Variants in UBE2R2 observed in about 807,000 individuals in gnomAD.
The protein encoded by UBE2R2 is ubiquitin-conjugating enzyme E2 R2.
A neutral mutation model predicts 27.8 loss-of-function variants in UBE2R2; 1 was observed. That is an observed-to-expected ratio of 0.04 (90% confidence interval 0.01 to 0.17). The LOEUF is 0.17. UBE2R2 is among the 10% of genes least tolerant of loss of function. UBE2R2 has a pLI of 1.00. For missense variants in UBE2R2, 100 were observed against 291.0 expected, an observed-to-expected ratio of 0.34 and a Z score of 4.78; for synonymous variants, 106 against 113.3, an observed-to-expected ratio of 0.94 and a Z score of 0.41.
chr9:33,911,860 G>A (rs895067119), intron 3 of UBE2R2, 104 bp from the exon 4 acceptor site: 27 of 1,125,036 alleles, frequency 2.4e-5, no homozygotes, highest in Admixed American at 3.3e-5. Context: ...AAAATTTTAA[G>A]GGAGGGAGAA....
chr9:33,824,060 G>A (rs1820239632), intron 1 of UBE2R2, among the ~76,000 whole-genome samples: 1 of 152,152 alleles, frequency 6.6e-6, no homozygotes, highest in African/African-American at 2.4e-5. Flanking sequence ...ACTAAATGAA[G>A]TTTCACTTTT....
chr9:33,876,454 C>T (rs896639319), intron 1 of UBE2R2, among the ~76,000 whole-genome samples: 7 of 152,138 alleles, frequency 4.6e-5, no homozygotes, highest in African/African-American at 1.7e-4. Context: ...GGAAGCATTA[C>T]AGCAGGATAT....
At chr9:33,909,477 A>G (rs1822439430) in intron 3 of UBE2R2, among the ~76,000 whole-genome samples, 1 of 152,018 alleles carries the variant, frequency 6.6e-6, no homozygotes, top group Non-Finnish European at 1.5e-5. Context: ...GACGAGTGAA[A>G]CCCCATCTCA....
chr9:33,889,162 G>A (rs1213298084), intron 2 of UBE2R2, among the ~76,000 whole-genome samples: 1 of 152,074 alleles, frequency 6.6e-6, no homozygotes, highest in Non-Finnish European at 1.5e-5. Flanking sequence ...AGTTCAGTAC[G>A]CACAGCAGTA....
intron 3 of UBE2R2, among the ~76,000 whole-genome samples, chr9:33,903,099 CA>C (rs760691175): frequency 0.069 from 9,170 of 133,002 alleles, 575 homozygotes; most frequent in African/African-American, 0.18. Context: ...AACGCTGTCT[CA>C]AAAAAAAAAA....
intron 1 of UBE2R2, among the ~76,000 whole-genome samples, chr9:33,821,464 A>G (rs758714000): frequency 3.3e-5 from 5 of 152,044 alleles, no homozygotes; most frequent in Admixed American, 6.5e-5. Context: ...GGCTGGAACT[A>G]TCTTTTCAAA....
chr9:33,916,410 AAATT>A (rs1487856255), intron 4 of UBE2R2, among the ~76,000 whole-genome samples: 1 of 152,182 alleles, frequency 6.6e-6, no homozygotes, highest in Non-Finnish European at 1.5e-5. Flanking sequence ...CTGTCAGTGA[AAATT>A]AAGAGGATAA....
intron 1 of UBE2R2, among the ~76,000 whole-genome samples, chr9:33,862,769 A>T (rs1018378539): frequency 1.3e-5 from 2 of 152,230 alleles, no homozygotes; most frequent in South Asian, 2.1e-4. Context: ...TTTGAAAAAA[A>T]TTTTAAACAT....
chr9:33,875,200 T>C (rs1399388521), intron 1 of UBE2R2, among the ~76,000 whole-genome samples: 1 of 152,162 alleles, frequency 6.6e-6, no homozygotes, highest in African/African-American at 2.4e-5. Flanking sequence ...CTAACTGTAA[T>C]ACTATTATCA....
chr9:33,914,389 T>G (rs932452836), intron 4 of UBE2R2, among the ~76,000 whole-genome samples: 10 of 152,144 alleles, frequency 6.6e-5, no homozygotes, highest in African/African-American at 2.4e-4. Context: ...TAAATTCTGA[T>G]GTGGGAAATA....
chr9:33,872,535 C>G (rs935882447), intron 1 of UBE2R2, among the ~76,000 whole-genome samples: 5 of 152,126 alleles, frequency 3.3e-5, no homozygotes, highest in African/African-American at 1.2e-4. Context: ...GCCTGTAATC[C>G]CGGCACTTTG....
chr9:33,816,160 G>A (rs1335054196), upstream of UBE2R2, among the ~76,000 whole-genome samples: 1 of 152,178 alleles, frequency 6.6e-6, no homozygotes, highest in Non-Finnish European at 1.5e-5. Flanking sequence ...GTCTAGTTCC[G>A]AAACTGTGTG....
chr9:33,864,412 A>G (rs996388232), intron 1 of UBE2R2, among the ~76,000 whole-genome samples: 1 of 152,154 alleles, frequency 6.6e-6, no homozygotes, highest in African/African-American at 2.4e-5. Flanking sequence ...TAATAATAGA[A>G]ACTCTGAGAG....
intron 1 of UBE2R2, among the ~76,000 whole-genome samples, chr9:33,877,823 GTCTCTCTCTCTC>G (rs1554675184): frequency 7.6e-6 from 1 of 131,102 alleles, no homozygotes; most frequent in African/African-American, 3.3e-5. Context: ...CTGTCTGTCT[GTCTCTCTCTCTC>G]TCTCTCTCTC....
intron 1 of UBE2R2, among the ~76,000 whole-genome samples, chr9:33,826,346 G>A (rs1169179278): frequency 6.6e-6 from 1 of 152,096 alleles, no homozygotes; most frequent in Non-Finnish European, 1.5e-5. Flanking sequence ...AAGGTTTGAT[G>A]TTACTTAAAT....
intron 3 of UBE2R2, among the ~76,000 whole-genome samples, 195 bp downstream of exon 3, chr9:33,900,466 T>C (rs905232514): frequency 6.6e-6 from 1 of 152,224 alleles, no homozygotes; most frequent in South Asian, 2.1e-4. Context: ...CAATAATGTA[T>C]ATGATTCTCA....
chr9:33,836,886 G>A (rs1482647965), intron 1 of UBE2R2, among the ~76,000 whole-genome samples: 2 of 152,074 alleles, frequency 1.3e-5, no homozygotes, highest in Non-Finnish European at 2.9e-5. Flanking sequence ...TGGAAATCCT[G>A]TAGCTTTAGA....
At chr9:33,874,052 A>T (rs61644144) in intron 1 of UBE2R2, among the ~76,000 whole-genome samples, 6 of 151,646 alleles carry the variant, frequency 4.0e-5, no homozygotes, top group African/African-American at 1.5e-4. Context: ...AGTTCAAGCA[A>T]TTCTCCTGTC....
chr9:33,854,845 G>C (rs1161663352), intron 1 of UBE2R2, among the ~76,000 whole-genome samples: 2 of 151,224 alleles, frequency 1.3e-5, no homozygotes, highest in Non-Finnish European at 2.9e-5. Context: ...TAGCCTCCTG[G>C]GTAGCTGGGA....
Sources: gnomAD v4.1 joint callset for allele counts (sites outside exome capture counted in the v4.1 genomes callset) on GRCh38, gnomAD v4.1.1 for gene constraint, MANE v1.5 for transcripts, NCBI Gene and HGNC (gene_info 2026-07-23, HGNC 2026-07-21) for gene names.